SPTBN2: variants seen among roughly 807,000 people sequenced by gnomAD.
SPTBN2 encodes spectrin beta chain, non-erythrocytic 2.
Under a neutral mutation model 284.2 loss-of-function variants are expected in SPTBN2, and 107 were observed. That is an observed-to-expected ratio of 0.38 (90% CI 0.32 to 0.44). The LOEUF (loss-of-function observed/expected upper bound fraction) is 0.44. Ranked by LOEUF, SPTBN2 falls within the 20% of genes least tolerant of loss-of-function variation. The pLI, the probability that SPTBN2 is intolerant of heterozygous loss-of-function variation, is 1.00. For synonymous variants in SPTBN2, 1,289 were observed against 1,354.8 expected (o/e 0.95, Z 1.07); for missense variants, 2,569 against 3,287.1 (o/e 0.78, Z 5.34).
At chr11:66,723,852 G>A (rs1008283723) in intron 1 of SPTBN2, among the ~76,000 whole-genome samples, 12 of 152,176 alleles carry the variant, frequency 7.9e-5, no homozygotes, top group Non-Finnish European at 1.8e-4. Flanking sequence ...GCTTCTAGAC[G>A]GGAAAGTAGT....
chr11:66,700,791 A>C lies in SPTBN2; in HGVS notation c.3308T>G (p.Leu1103Arg). The change falls in exon 17 of 38, where the codon CTC (leucine) becomes CGC (arginine). Residue 1103 changes from leucine to arginine, a missense_variant. By Grantham distance (102) the Leu-to-Arg change is moderately radical (BLOSUM62 -2). Transcript: ENST00000533211. The surrounding 1 kb of genome is among the most constrained non-coding windows in gnomAD (Gnocchi z 6.6). ...GPATLPEAEA[L>R]LAQHAALRGE... ...CCGCAGGGCTGCATGTTGGGCCAGG[A>C]GGGCCTCTGCCTCAGGCAGGGTGGC... 6.2e-7 allele frequency: 1 copy of C among 1,601,376 alleles called. No homozygotes were observed. Among genetic ancestry groups the C allele is most frequent in the Non-Finnish European group, 8.5e-7 (1 of 1,179,800 alleles).
chr11:66,716,097 TAAG>T lies in SPTBN2; in HGVS notation c.158-119_158-117del. 3 of 1,375,860 alleles carry T rather than the reference TAAG, an allele frequency of 2.2e-6. No homozygotes were observed. In the South Asian group the frequency reaches 3.6e-5, roughly 16 times the overall value. 85.2% of individuals were successfully genotyped at this position (1,375,860 alleles called of 1,614,324 possible). ...CTGAGAGATGGGAAGCGGGGTCCTCTAAGGAGGAGGAAGGGAAGGAAGATGACC... is the reference window on the plus strand; with the variant it reads ...CTGAGAGATGGGAAGCGGGGTCCTCTGAGGAGGAAGGGAAGGAAGATGACC... On this transcript the variant is annotated intron_variant, in intron 3 of 37. Coordinates refer to ENST00000533211, the MANE Select transcript of SPTBN2 (RefSeq NM_006946.4).
chr11:66,696,721 C>T (rs904924852), intron 20 of SPTBN2, among the ~76,000 whole-genome samples, 181 bp from the exon 21 acceptor site: 1 of 152,180 alleles, frequency 6.6e-6, no homozygotes, highest in Admixed American at 6.5e-5. Flanking sequence ...AACTGCTGTT[C>T]CCTCACTGCT....
intron 1 of SPTBN2, among the ~76,000 whole-genome samples, chr11:66,735,177 A>G (rs988560193): frequency 3.3e-5 from 5 of 152,094 alleles, no homozygotes; most frequent in Non-Finnish European, 7.4e-5. Flanking sequence ...TACTAAAAAT[A>G]CAAAAATTAG....
At chr11:66,717,759 G>T (rs1406165392) in intron 3 of SPTBN2, among the ~76,000 whole-genome samples, 1 of 152,148 alleles carries the variant, frequency 6.6e-6, no homozygotes, top group Non-Finnish European at 1.5e-5. Flanking sequence ...GGAGGAAAAT[G>T]GGCAAAGCCA....
chr11:66,699,048 G>T lies in SPTBN2; in HGVS notation c.3811C>A (p.Leu1271Met), dbSNP rs1172410468. 1.2e-6 allele frequency: 2 copies of T among 1,614,128 alleles called. No individual in the cohort carries two copies. Among genetic ancestry groups the T allele is most frequent in the East Asian group, 4.5e-5 (2 of 44,904 alleles). Reference sequence around the variant, plus strand: ...TCCCGGTTGTCCCGAAGACGGCCCAGAAATTGCTGCGCTGCGTCTTGATTC... The same window carrying T: ...TCCCGGTTGTCCCGAAGACGGCCCATAAATTGCTGCGCTGCGTCTTGATTC... ...KKNQDAAQQF[L>M]GRLRDNREQQ... is the part of the protein sequence containing the mutation. The change falls in exon 19 of 38, where the codon CTG becomes ATG. Residue 1271 changes from leucine (L) to methionine (M), a missense_variant. Coordinates refer to ENST00000533211, the MANE Select transcript of SPTBN2 (RefSeq NM_006946.4).
chr11:66,702,612 G>A (rs775048614), intron 15 of SPTBN2, among the ~76,000 whole-genome samples: 5 of 152,204 alleles, frequency 3.3e-5, no homozygotes, highest in African/African-American at 9.6e-5. Flanking sequence ...CGGGCAATAC[G>A]CAAAAGGGCG....
At chr11:66,728,303 G>GGGCGCAGGC (rs986533500) in intron 1 of SPTBN2, 1 of 145,606 alleles carries the variant, frequency 6.9e-6, no homozygotes, top group Non-Finnish European at 1.5e-5. Flanking sequence ...CGCTGTCACG[G>GGGCGCAGGC]GGCGCAGGCG....
chr11:66,705,614 C>T, intron 14 of SPTBN2, 70 bp downstream of exon 14: 1 of 1,604,408 alleles, frequency 6.2e-7, no homozygotes, highest in East Asian at 2.2e-5. Flanking sequence ...GTTTCCCAAC[C>T]CTTCCACCTC....
chr11:66,708,099 A>G lies in SPTBN2; in HGVS notation c.1350+42T>C, dbSNP rs904800564. On this transcript the variant is annotated intron_variant, in intron 12 of 37. Transcript: ENST00000533211. The surrounding 1 kb of genome is among the most constrained non-coding windows in gnomAD (Gnocchi z 4.4). ...TTCTTATCCACCCTGTCTCTCTCCC[A>G]GTTCTGACCAGCCTAAGCATCCTAG... is the stretch of plus-strand genomic sequence containing the variant. The G allele has an allele frequency of 5.0e-6, 8 of 1,611,992 alleles. No individual in the cohort carries two copies. The highest frequency in any genetic ancestry group is 1.3e-5 in the African/African-American group (1 of 74,842).
rs777368203 is a variant in SPTBN2, at chr11:66,708,602, TAAA to T, written c.1191+297_1191+299del. On this transcript the variant is annotated intron_variant, in intron 11 of 37. Coordinates refer to ENST00000533211, the MANE Select transcript of SPTBN2 (RefSeq NM_006946.4). The surrounding 1 kb of genome is among the most constrained non-coding windows in gnomAD (Gnocchi z 4.4). ...TAATCTTACAATATTGTGAAAAAAA[TAAA>T]AGAAGGGATAGTGAGTTGGGGACAG... Among the ~76,000 whole-genome samples the T allele has an allele frequency of 2.0e-5, 3 of 151,930 alleles. No individual in the cohort carries two copies. The highest frequency in any genetic ancestry group is 4.4e-5 in the Non-Finnish European group (3 of 67,988).
At chr11:66,720,171 C>G (rs746913404) in intron 3 of SPTBN2, among the ~76,000 whole-genome samples, 42 of 152,182 alleles carry the variant, frequency 2.8e-4, no homozygotes, top group Non-Finnish European at 4.9e-4. Flanking sequence ...GGAACCTCCC[C>G]CTTGGAGTCT....
rs775179213 is a variant in SPTBN2, at chr11:66,689,194, G to T, written c.5950-14C>A. On this transcript the variant is annotated splice_polypyrimidine_tract_variant and intron_variant, in intron 29 of 37. Transcript: ENST00000533211. ...CTTCTCTGAGATCTGGGGGCGGGGG[G>T]CAGAGATATGAGTTAGCACCAGGAT... 4.7e-5 allele frequency: 75 copies of T among 1,596,406 alleles called. 3 individuals carry two copies. The South Asian group carries it at 8.0e-4, about 17-fold the overall frequency.
Position 66,693,281 on chromosome 11 carries a change from C to A in SPTBN2, c.4759G>T (p.Ala1587Ser). ...CGGTAGAACTGCTGGGCTCGCAGGG[C>A]ATCCTCCAGTCGCTTCCCTCGAAGT... ...LELRGKRLED[A>S]LRAQQFYRDA... The change falls in exon 24 of 38, where the codon GCC becomes TCC. Residue 1587 changes from alanine to serine, a missense_variant. Transcript: ENST00000533211. This position sits in a 1 kb window ranked among gnomAD's most constrained non-coding sequence, Gnocchi z 5.7. The A allele has an allele frequency of 6.2e-7, 1 of 1,613,932 alleles. No individual in the cohort carries two copies. The highest frequency in any genetic ancestry group is 8.5e-7 in the Non-Finnish European group (1 of 1,180,042).
chr11:66,698,522 G>A (rs1322938542), intron 20 of SPTBN2, 117 bp downstream of exon 20: 3 of 1,471,362 alleles, frequency 2.0e-6, no homozygotes, highest in African/African-American at 1.4e-5. Context: ...CCACCATGGA[G>A]CTGTGGCACC....
intron 1 of SPTBN2, among the ~76,000 whole-genome samples, chr11:66,735,061 A>G (rs1021224977): frequency 6.6e-6 from 1 of 152,214 alleles, no homozygotes; most frequent in Non-Finnish European, 1.5e-5. Context: ...AGCTGGGCAC[A>G]GTGGCTCCTG....
rs113666247 is a variant in SPTBN2 at position 66,713,219 on chromosome 11, T to TA, written c.772+411dup. Among the ~76,000 whole-genome samples the TA allele has an allele frequency of 4.0e-3, 542 of 136,262 alleles. 3 individuals carry two copies. Among genetic ancestry groups the TA allele is most frequent in the South Asian group, 0.021 (91 of 4,282 alleles). The allele number at this position is 136,262 out of a possible 152,430, so 89.4% of individuals were successfully genotyped here. The stretch of plus-strand genomic sequence containing the variant: ...TTTCTTCCTACCTACAGTCTTTTGT[T>TA]AAAAAAAAAAAAAACCTGAGAAATG... On this transcript the variant is annotated intron_variant, in intron 8 of 37. Coordinates refer to ENST00000533211, the MANE Select transcript of SPTBN2 (RefSeq NM_006946.4).
chr11:66,728,422 C>T (rs973772608), intron 1 of SPTBN2: 1 of 150,078 alleles, frequency 6.7e-6, no homozygotes, highest in East Asian at 2.0e-4. Flanking sequence ...CTCCCCCTGC[C>T]GCAGGCCGCC....
intron 1 of SPTBN2, among the ~76,000 whole-genome samples, chr11:66,737,099 C>A (rs991401658): frequency 6.6e-6 from 1 of 152,138 alleles, no homozygotes; most frequent in Non-Finnish European, 1.5e-5. Flanking sequence ...CAGATAAGGG[C>A]CCAATAAGTG....
Sources: gnomAD v4.1 joint callset for allele counts (sites outside exome capture counted in the v4.1 genomes callset) on GRCh38, gnomAD v4.1.1 for gene constraint, Gnocchi (gnomAD v3.1) non-coding constraint, MANE v1.5 for transcripts, NCBI Gene and HGNC (gene_info 2026-07-23, HGNC 2026-07-21) for gene names.